CADPS2: variants seen among roughly 807,000 people sequenced by gnomAD.
CADPS2 encodes calcium dependent secretion activator 2.
In CADPS2, 93 loss-of-function variants were observed where a neutral mutation model predicts 172.5. The ratio of observed to expected loss-of-function variants is 0.54; its 90% CI spans 0.46 to 0.64. The LOEUF is 0.64. Ranked by LOEUF, CADPS2 falls within the 30% of genes least tolerant of loss-of-function variation. The probability of loss-of-function intolerance (pLI) is 0.00; values close to 1 mark genes in which losing one functional copy is unlikely to be tolerated. For synonymous variants in CADPS2, 546 were observed against 555.2 expected, an observed-to-expected ratio of 0.98 and a Z score of 0.23; for missense variants, 1,420 against 1,565.9, an observed-to-expected ratio of 0.91 and a Z score of 1.57.
intron 12 of CADPS2, among the ~76,000 whole-genome samples, chr7:122,477,077 A>AGG (rs2056778492): frequency 6.9e-6 from 1 of 144,614 alleles, no homozygotes; most frequent in African/African-American, 2.7e-5. Context: ...AGAGAGAGAG[A>AGG]GAGAGGGAGA....
intron 1 of CADPS2, among the ~76,000 whole-genome samples, chr7:122,864,463 A>C (rs575419750): frequency 4.8e-5 from 7 of 145,278 alleles, no homozygotes; most frequent in African/African-American, 1.8e-4. Context: ...CTGGGCAACA[A>C]AGTGAAACTC....
rs1232347052 is a variant in CADPS2 at position 122,441,566 on chromosome 7, A to C, written c.2298T>G (p.Phe766Leu). 1 of 1,534,146 alleles carries C rather than the reference A, an allele frequency of 6.5e-7. No homozygotes were observed. The highest frequency in any genetic ancestry group is 1.4e-5 in the African/African-American group (1 of 72,076). Residue 766 changes from phenylalanine to leucine, a missense_variant, in exon 16 of 30, where the codon TTT becomes TTG. Coordinates refer to ENST00000449022, the MANE Select transcript of CADPS2 (RefSeq NM_017954.11). ...GAGCACCTTCAGGTCGTCCAAAGGG[A>C]AAACAGTATCTTTAAAAACAAAAGA... ...ENQISHFRYC[F>L]PFGRPEGALK...
At chr7:122,660,905 G>A (rs552769722) in intron 3 of CADPS2, among the ~76,000 whole-genome samples, 15 of 151,948 alleles carry the variant, frequency 9.9e-5, no homozygotes, top group African/African-American at 2.2e-4. Context: ...GGAAGACTTC[G>A]TCTCGGAAAA....
intron 28 of CADPS2, among the ~76,000 whole-genome samples, chr7:122,341,760 C>T (rs2036821631): frequency 1.3e-5 from 2 of 152,150 alleles, no homozygotes; most frequent in East Asian, 1.9e-4. Context: ...CGGGATCTAG[C>T]CTAGGAGCTT....
chr7:122,613,722 T>C (rs1337898320), intron 6 of CADPS2, among the ~76,000 whole-genome samples: 1 of 151,782 alleles, frequency 6.6e-6, no homozygotes, highest in Non-Finnish European at 1.5e-5. Flanking sequence ...AACTGGATAG[T>C]GGTGATGATT....
Position 122,474,442 on chromosome 7 carries a change from A to G in CADPS2, c.1937T>C (p.Leu646Pro), listed in dbSNP as rs2056384330. Reference sequence around the variant, plus strand: ...AGTCTGCCTCTGGAGTATTCTAAAAAGGAAGGCATGATCAAGCTTGCAGGG... The same window carrying G: ...AGTCTGCCTCTGGAGTATTCTAAAAGGGAAGGCATGATCAAGCTTGCAGGG... ...ANPCKLDHAF[L>P]FRILQRQTLD... Residue 646 changes from leucine (L) to proline (P), a missense_variant, in exon 13 of 30, where the codon CTT becomes CCT. Leu to Pro is a moderately conservative substitution (Grantham distance 98). Coordinates refer to ENST00000449022, the MANE Select transcript of CADPS2 (RefSeq NM_017954.11). 6.2e-7 allele frequency: 1 copy of G among 1,613,386 alleles called. No individual in the cohort carries two copies. The highest frequency in any genetic ancestry group is 8.5e-7 in the Non-Finnish European group (1 of 1,179,666).
At chr7:122,469,825 G>C (rs200782140) in intron 14 of CADPS2, among the ~76,000 whole-genome samples, 2 of 131,734 alleles carry the variant, frequency 1.5e-5, no homozygotes, top group Admixed American at 1.5e-4. Flanking sequence ...GTGTGTGTCT[G>C]TGTGTGTGTG....
At chr7:122,558,208 T>C (rs1488918800) in intron 7 of CADPS2, among the ~76,000 whole-genome samples, 1 of 152,194 alleles carries the variant, frequency 6.6e-6, no homozygotes, top group African/African-American at 2.4e-5. Context: ...ATTGTTTTTT[T>C]TTATTAGAAG....
intron 7 of CADPS2, among the ~76,000 whole-genome samples, chr7:122,561,894 T>C (rs1029721208): frequency 1.6e-4 from 24 of 152,132 alleles, no homozygotes; most frequent in African/African-American, 5.6e-4. Flanking sequence ...GTTGGTTGGA[T>C]GATTGGCTGG....
intron 25 of CADPS2, among the ~76,000 whole-genome samples, chr7:122,374,667 G>A (rs2042142277): frequency 6.6e-6 from 1 of 152,018 alleles, no homozygotes; most frequent in Admixed American, 6.6e-5. Flanking sequence ...GTAAATGGGA[G>A]TTGAACGAGA....
intron 1 of CADPS2, among the ~76,000 whole-genome samples, chr7:122,869,767 A>C (rs1819268782): frequency 1.3e-5 from 2 of 152,166 alleles, no homozygotes; most frequent in Admixed American, 6.5e-5. Flanking sequence ...GAGCTTTAAT[A>C]ATTTGCTAAC....
intron 17 of CADPS2, chr7:122,424,423 G>C: frequency 3.1e-6 from 2 of 641,976 alleles, no homozygotes; most frequent in Non-Finnish European, 3.9e-6. Context: ...AATGACAGCT[G>C]GGCTGAATCC....
intron 3 of CADPS2, among the ~76,000 whole-genome samples, chr7:122,632,854 C>T (rs2076710629): frequency 6.6e-6 from 1 of 152,024 alleles, no homozygotes; most frequent in Non-Finnish European, 1.5e-5. Context: ...CGTTAATCCA[C>T]CCTGAGTTAA....
intron 2 of CADPS2, among the ~76,000 whole-genome samples, chr7:122,693,266 G>C (rs1233994869): frequency 6.6e-6 from 1 of 152,090 alleles, no homozygotes; most frequent in Non-Finnish European, 1.5e-5. Flanking sequence ...CCTTCTTTAA[G>C]TGTTCCCTAA....
chr7:122,870,401 G>A (rs764487546), intron 1 of CADPS2, among the ~76,000 whole-genome samples: 3 of 151,982 alleles, frequency 2.0e-5, no homozygotes, highest in African/African-American at 4.8e-5. Flanking sequence ...TCATCAAAAA[G>A]TTATAATAAT....
chr7:122,818,784 G>A (rs1012544453), intron 1 of CADPS2, among the ~76,000 whole-genome samples: 45 of 152,116 alleles, frequency 3.0e-4, no homozygotes, highest in Admixed American at 2.1e-3. Context: ...CATAGTCAAG[G>A]TTAATGCTCC....
rs1488187640 is a variant in CADPS2 at position 122,363,307 on chromosome 7, T to A, written c.3388-2294A>T. Among the ~76,000 whole-genome samples the A allele has an allele frequency of 2.0e-5, 3 of 152,296 alleles. No individual in the cohort carries two copies. In the East Asian group the frequency reaches 5.8e-4, roughly 29 times the overall value. Reference sequence around the variant, plus strand: ...TCATTTGCCACGAGGACAGCGGCAATTGCTATGGTTACTAGACAGCTTGAA... The same window carrying A: ...TCATTTGCCACGAGGACAGCGGCAAATGCTATGGTTACTAGACAGCTTGAA... On this transcript the variant is annotated intron_variant, in intron 25 of 29. Transcript: ENST00000449022.
intron 14 of CADPS2, among the ~76,000 whole-genome samples, chr7:122,459,156 T>C (rs1327300556): frequency 2.0e-5 from 3 of 151,944 alleles, no homozygotes; most frequent in Non-Finnish European, 4.4e-5. Context: ...ATAATTTGAT[T>C]GTTTTAACGA....
intron 2 of CADPS2, among the ~76,000 whole-genome samples, chr7:122,677,764 C>T (rs1437568747): frequency 2.6e-5 from 4 of 152,124 alleles, no homozygotes; most frequent in Non-Finnish European, 5.9e-5. Flanking sequence ...TCTAGAGCTC[C>T]CTTTTTCACC....
Sources: allele counts gnomAD v4.1 joint callset (sites outside exome capture counted in the v4.1 genomes callset), GRCh38; gene constraint gnomAD v4.1.1; transcripts MANE v1.5; gene names NCBI Gene and HGNC (gene_info 2026-07-23, HGNC 2026-07-21).